Variants in MEMO1 observed in about 807,000 individuals in gnomAD.
MEMO1 encodes the protein mediator of cell motility 1.
Under a neutral mutation model 45.2 loss-of-function variants are expected in MEMO1, and 6 were observed. The ratio of observed to expected loss-of-function variants is 0.13; its 90% CI spans 0.07 to 0.26. MEMO1 has a LOEUF of 0.26. Ranked by LOEUF, MEMO1 falls within the 10% of genes least tolerant of loss-of-function variation. The pLI is 1.00. For synonymous variants in MEMO1, 78 were observed against 124.3 expected (o/e 0.63, Z 2.48); for missense variants, 184 against 370.5 (o/e 0.50, Z 4.13).
At chr2:31,904,959 C>T (rs572336077) in intron 6 of MEMO1, among the ~76,000 whole-genome samples, 3 of 152,202 alleles carry the variant, frequency 2.0e-5, no homozygotes, top group South Asian at 4.1e-4. Context: ...ACAGGCTGGG[C>T]GCAATGGCTC....
chr2:32,004,080 C>G (rs1366807495), intron 2 of MEMO1, among the ~76,000 whole-genome samples: 1 of 152,118 alleles, frequency 6.6e-6, no homozygotes, highest in African/African-American at 2.4e-5. Flanking sequence ...ACTCAGGAAG[C>G]TGAGGCAGGG....
chr2:31,901,032 T>C (rs981211336), intron 6 of MEMO1, among the ~76,000 whole-genome samples: 18 of 152,160 alleles, frequency 1.2e-4, no homozygotes, highest in East Asian at 7.7e-4. Flanking sequence ...AACCGGTAAA[T>C]GGACAAAATG....
chr2:32,005,536 T>C (rs1039495067), intron 2 of MEMO1, among the ~76,000 whole-genome samples: 1 of 152,082 alleles, frequency 6.6e-6, no homozygotes, highest in Non-Finnish European at 1.5e-5. Context: ...GTTTAAAGTA[T>C]GTCATACTTT....
intron 8 of MEMO1, among the ~76,000 whole-genome samples, chr2:31,873,450 C>A (rs1674084991): frequency 6.6e-6 from 1 of 152,076 alleles, no homozygotes. Context: ...ATGTCAAATT[C>A]CAAGTGGCAA....
intron 2 of MEMO1, among the ~76,000 whole-genome samples, chr2:31,988,576 A>G (rs1671561322): frequency 6.6e-6 from 1 of 152,164 alleles, no homozygotes; most frequent in South Asian, 2.1e-4. Context: ...AAAAAGTAAC[A>G]TTGGATAAAA....
chr2:31,886,794 C>CT (rs1407522162), intron 7 of MEMO1, among the ~76,000 whole-genome samples: 3 of 152,114 alleles, frequency 2.0e-5, no homozygotes, highest in Non-Finnish European at 2.9e-5. Context: ...TTACCTGAAA[C>CT]TTATCCTTTC....
At chr2:31,879,874 C>G (rs773781852) in intron 8 of MEMO1, among the ~76,000 whole-genome samples, 9 of 152,172 alleles carry the variant, frequency 5.9e-5, no homozygotes, top group Non-Finnish European at 1.0e-4. Context: ...CTGAACTCAT[C>G]TTTTTCCTTA....
At chr2:31,973,594 C>T (rs1331436488) in intron 2 of MEMO1, among the ~76,000 whole-genome samples, 1 of 151,960 alleles carries the variant, frequency 6.6e-6, no homozygotes, top group African/African-American at 2.4e-5. Flanking sequence ...AATGGAAAAA[C>T]AAAATGTGTT....
chr2:31,969,589 GTGTGTGTGTGTGTGTGT>G (rs1669103184), intron 2 of MEMO1, among the ~76,000 whole-genome samples: 4 of 43,518 alleles, frequency 9.2e-5, no homozygotes, highest in Non-Finnish European at 1.4e-4. Context: ...GTGTGTGGGT[GTGTGTGTGTGTGTGTGT>G]GTGTGTGTGT....
intron 6 of MEMO1, among the ~76,000 whole-genome samples, chr2:31,904,822 T>C (rs560772745): frequency 3.3e-5 from 5 of 152,338 alleles, no homozygotes; most frequent in South Asian, 2.1e-4. Context: ...TAAAGAGTCC[T>C]ATAAGGAAGA....
intron 2 of MEMO1, among the ~76,000 whole-genome samples, chr2:31,952,027 G>C (rs1034517338): frequency 6.6e-6 from 1 of 152,068 alleles, no homozygotes; most frequent in African/African-American, 2.4e-5. Context: ...ACAGAAAATA[G>C]CATGCCCTTG....
chr2:31,935,070 T>G lies in MEMO1; in HGVS notation c.144-2935A>C, dbSNP rs141814712. The stretch of plus-strand genomic sequence containing the variant: ...ATGTACTTCAAAGTATTAAATCATG[T>G]AATCCCCACTCCAACCATATGAGGT... On this transcript the variant is annotated intron_variant, in intron 3 of 9. Coordinates refer to ENST00000404530, the MANE Select transcript of MEMO1 (RefSeq NM_001301833.4). Among the ~76,000 whole-genome samples the G allele has an allele frequency of 9.9e-3, 1,515 of 152,320 alleles. 27 individuals carry two copies. The highest frequency in any genetic ancestry group is 0.051 in the South Asian group (246 of 4,822).
rs569815380 is a variant in MEMO1, at chr2:31,938,880, G to A, written c.143+4422C>T. On this transcript the variant is annotated intron_variant, in intron 3 of 9. Transcript: ENST00000404530. The stretch of plus-strand genomic sequence containing the variant: ...CAGCTCAGTGCAGCCCCAACCTCCC[G>A]GGCTCAAGTGATCCTCTCATCTCAG... 2.1e-4 allele frequency among the ~76,000 whole-genome samples: 31 copies of A among 148,766 alleles called. No individual in the cohort carries two copies. In the East Asian group the frequency reaches 5.3e-3, roughly 25 times the overall value.
intron 2 of MEMO1, among the ~76,000 whole-genome samples, chr2:31,977,573 G>A (rs1670150122): frequency 6.6e-6 from 1 of 151,956 alleles, no homozygotes; most frequent in Non-Finnish European, 1.5e-5. Flanking sequence ...GAGTACAGTG[G>A]CACGATCTCA....
At chr2:31,881,495 TAAAAAAA>T (rs34058748) in intron 8 of MEMO1, among the ~76,000 whole-genome samples, 15 of 68,448 alleles carry the variant, frequency 2.2e-4, no homozygotes, top group South Asian at 1.8e-3. Context: ...AGCCTGTCTT[TAAAAAAA>T]AAAAAAAAAA....
chr2:31,893,345 A>C, intron 6 of MEMO1: 1 of 1,159,096 alleles, frequency 8.6e-7, no homozygotes, highest in Non-Finnish European at 1.1e-6. Context: ...GAAAAAAAGG[A>C]AGCTGGCAGA....
At chr2:31,919,412 C>G (rs1193422643) in intron 5 of MEMO1, among the ~76,000 whole-genome samples, 1 of 152,150 alleles carries the variant, frequency 6.6e-6, no homozygotes. Flanking sequence ...CTCAGCCTCT[C>G]AAAGTGCTGG....
chr2:31,899,950 T>C (rs1053262575), intron 6 of MEMO1, among the ~76,000 whole-genome samples: 3 of 152,166 alleles, frequency 2.0e-5, no homozygotes, highest in Non-Finnish European at 2.9e-5. Context: ...CACTGGTCAT[T>C]AGAGAAATGC....
At position 31,956,224 on chromosome 2, in the gene MEMO1, A is replaced by C. The variant is rs796959906; in HGVS notation, c.62-12841T>G. Among the ~76,000 whole-genome samples the C allele has an allele frequency of 6.6e-5, 10 of 152,306 alleles. 1 individual carries two copies. Among genetic ancestry groups the C allele is most frequent in the African/African-American group, 2.4e-4 (10 of 41,572 alleles). ...AGTAATCAGGATAATTCAGTACTCA[A>C]ATCCTAAAACAAAAACATAATCTGT... On this transcript the variant is annotated intron_variant, in intron 2 of 9. Coordinates refer to ENST00000404530, the MANE Select transcript of MEMO1 (RefSeq NM_001301833.4).
Sources: gnomAD v4.1 joint callset for allele counts (sites outside exome capture counted in the v4.1 genomes callset) on GRCh38, gnomAD v4.1.1 for gene constraint, MANE v1.5 for transcripts, NCBI Gene and HGNC (gene_info 2026-07-23, HGNC 2026-07-21) for gene names.